The following OSBPL9 variants were observed in gnomAD, a reference collection of about 807,000 sequenced individuals.
OSBPL9 encodes the protein oxysterol-binding protein-related protein 9.
Under a neutral mutation model 106.6 loss-of-function variants are expected in OSBPL9, and 40 were observed. The observed-to-expected ratio is 0.38, with a 90% confidence interval of 0.29 to 0.49. OSBPL9 has a LOEUF of 0.49. Ranked by LOEUF, OSBPL9 falls within the 20% of genes least tolerant of loss-of-function variation. OSBPL9 has a pLI of 0.97. For synonymous variants in OSBPL9, 269 were observed against 295.4 expected (o/e 0.91, Z 0.92); for missense variants, 609 against 887.2 (o/e 0.69, Z 3.98).
chr1:51,572,377 A>G (rs991975893), upstream of OSBPL9, among the ~76,000 whole-genome samples: 3 of 152,122 alleles, frequency 2.0e-5, no homozygotes, highest in Non-Finnish European at 2.9e-5. Context: ...GGCAATGGTT[A>G]TTATCTCCAT....
rs201901353 is a variant in OSBPL9 at position 51,627,169 on chromosome 1, C to CT, written c.111+9955dup. Among the ~76,000 whole-genome samples the CT allele has an allele frequency of 1.8e-3, 271 of 152,120 alleles. 1 individual carries two copies. The highest frequency in any genetic ancestry group is 6.8e-3 in the Middle Eastern group (2 of 294). On this transcript the variant is annotated intron_variant, in intron 1 of 23. Transcript: ENST00000428468. ...CAGGCTTGTGCCACCATGTGGGCTA[C>CT]TTTTTTTATTTGTAGAGGATGGGGT...
chr1:51,676,244 A>G (rs1651156869), intron 3 of OSBPL9, among the ~76,000 whole-genome samples: 2 of 152,098 alleles, frequency 1.3e-5, no homozygotes, highest in African/African-American at 4.8e-5. Context: ...AGCCTGGCCA[A>G]TATGGTGAAA....
intron 20 of OSBPL9, chr1:51,785,346 C>G (rs1677354051): frequency 6.4e-6 from 1 of 157,228 alleles, no homozygotes; most frequent in African/African-American, 2.4e-5. Context: ...TGGATCCTTG[C>G]TCAGGGAAAG....
At chr1:51,656,056 C>G (rs1398979692) in intron 2 of OSBPL9, among the ~76,000 whole-genome samples, 1 of 152,150 alleles carries the variant, frequency 6.6e-6, no homozygotes, top group African/African-American at 2.4e-5. Flanking sequence ...GTTCTGGAAC[C>G]TTTATTTTTA....
the OSBPL9 span, among the ~76,000 whole-genome samples, chr1:51,536,345 C>T: frequency 6.6e-6 from 1 of 152,064 alleles, no homozygotes; most frequent in African/African-American, 2.4e-5. Flanking sequence ...CGCGCTCTGT[C>T]ACCCAGGCTG....
chr1:51,557,343 T>C, the OSBPL9 span, among the ~76,000 whole-genome samples: 2 of 152,232 alleles, frequency 1.3e-5, no homozygotes, highest in Admixed American at 1.3e-4. Context: ...AGATATTTTC[T>C]TACCTTTGGG....
intron 2 of OSBPL9, among the ~76,000 whole-genome samples, chr1:51,607,777 C>G (rs1570541489): frequency 6.6e-6 from 1 of 152,306 alleles, no homozygotes; most frequent in South Asian, 2.1e-4. Context: ...AGAATTTGGC[C>G]AAGGGGCATA....
intron 1 of OSBPL9, among the ~76,000 whole-genome samples, chr1:51,594,482 C>G (rs966484737): frequency 1.3e-5 from 2 of 151,998 alleles, no homozygotes; most frequent in African/African-American, 4.8e-5. Flanking sequence ...ATCAATGACC[C>G]CCTTTTTCCT....
chr1:51,594,889 C>T (rs958258460), intron 1 of OSBPL9: 1 of 152,294 alleles, frequency 6.6e-6, no homozygotes. Flanking sequence ...ACTCCTCGCG[C>T]AGGTAGACCC....
intron 10 of OSBPL9, among the ~76,000 whole-genome samples, chr1:51,761,264 T>C (rs1218415800): frequency 3.9e-5 from 6 of 152,012 alleles, no homozygotes; most frequent in Non-Finnish European, 8.8e-5. Context: ...TGTTTTTTTT[T>C]TTTTTGTATA....
At chr1:51,560,031 C>A in the OSBPL9 span, among the ~76,000 whole-genome samples, 26 of 152,284 alleles carry the variant, frequency 1.7e-4, no homozygotes, top group African/African-American at 6.0e-4. Flanking sequence ...TCCTTGTACT[C>A]CTATGTTGGT....
chr1:51,653,797 C>T (rs893877535), intron 2 of OSBPL9, among the ~76,000 whole-genome samples: 5 of 152,132 alleles, frequency 3.3e-5, no homozygotes, highest in Admixed American at 1.3e-4. Context: ...CCCAGTAGTT[C>T]GAGACCAGCC....
At chr1:51,521,637 C>G in the OSBPL9 span, among the ~76,000 whole-genome samples, 1 of 152,210 alleles carries the variant, frequency 6.6e-6, no homozygotes, top group Non-Finnish European at 1.5e-5. Flanking sequence ...ACACAGGAGA[C>G]TGAGGCAGTT....
chr1:51,746,819 T>G, intron 6 of OSBPL9, 62 bp downstream of exon 6: 2 of 1,338,238 alleles, frequency 1.5e-6, no homozygotes, highest in Non-Finnish European at 2.1e-6. Flanking sequence ...TGGAGAACAC[T>G]AAGTATCTTA....
At chr1:51,668,790 T>TTATTTAGAAAC (rs1649147339) in intron 2 of OSBPL9, among the ~76,000 whole-genome samples, 1 of 152,230 alleles carries the variant, frequency 6.6e-6, no homozygotes, top group Non-Finnish European at 1.5e-5. Context: ...ATATACTAAG[T>TTATTTAGAAAC]ATGTACTTAA....
At chr1:51,774,714 C>G (rs1046525347) in intron 14 of OSBPL9, among the ~76,000 whole-genome samples, 5 of 152,148 alleles carry the variant, frequency 3.3e-5, no homozygotes, top group Non-Finnish European at 5.9e-5. Flanking sequence ...AGAGGCTAAA[C>G]AAGCTCTTGA....
chr1:51,702,425 T>C (rs533351536), intron 3 of OSBPL9, among the ~76,000 whole-genome samples: 254 of 152,380 alleles, frequency 1.7e-3, no homozygotes, highest in Non-Finnish European at 3.0e-3. Context: ...TTCACGTGTC[T>C]GTTGGCTGCA....
the OSBPL9 span, among the ~76,000 whole-genome samples, chr1:51,540,382 C>T: frequency 5.9e-5 from 9 of 152,002 alleles, no homozygotes; most frequent in African/African-American, 1.4e-4. Flanking sequence ...GTTAGCCGGG[C>T]GTGGTGGTTC....
intron 4 of OSBPL9, among the ~76,000 whole-genome samples, chr1:51,728,038 C>T (rs186308346): frequency 2.0e-5 from 3 of 152,002 alleles, no homozygotes; most frequent in Non-Finnish European, 2.9e-5. Context: ...TAACAGCATG[C>T]GCCAAGGCCC....
Sources: allele counts gnomAD v4.1 joint callset (sites outside exome capture counted in the v4.1 genomes callset), GRCh38; gene constraint gnomAD v4.1.1; transcripts MANE v1.5; gene names NCBI Gene and HGNC (gene_info 2026-07-23, HGNC 2026-07-21).